Variants in TBCK observed in about 807,000 individuals in gnomAD.
TBCK encodes the protein TBC1 domain containing kinase, also known as TBC domain-containing protein kinase-like protein.
In TBCK, 99 loss-of-function variants were observed where a neutral mutation model predicts 113.4. That is an observed-to-expected ratio of 0.87 (90% CI 0.74 to 1.03). The LOEUF is 1.03. Ranked by LOEUF, TBCK falls within the 50% of genes least tolerant of loss-of-function variation. The probability of loss-of-function intolerance (pLI) is 0.00; values close to 1 mark genes in which losing one functional copy is unlikely to be tolerated. For synonymous variants in TBCK, 369 were observed against 370.8 expected (o/e 1.00, Z 0.05); for missense variants, 1,045 against 1,061.3 (o/e 0.98, Z 0.21).
chr4:106,153,515 C>A (rs1410262714), intron 23 of TBCK, among the ~76,000 whole-genome samples: 4 of 152,060 alleles, frequency 2.6e-5, no homozygotes, highest in African/African-American at 7.2e-5. Context: ...TCAGAATAAT[C>A]CATGTGATGA....
intron 22 of TBCK, among the ~76,000 whole-genome samples, chr4:106,181,899 G>A (rs1342833577): frequency 6.6e-6 from 1 of 152,088 alleles, no homozygotes; most frequent in African/African-American, 2.4e-5. Flanking sequence ...TTCCAATTCT[G>A]AAAAGAAAGT....
intron 13 of TBCK, 37 bp from the exon 14 acceptor site, chr4:106,236,556 G>A (rs1388091625): frequency 1.5e-6 from 2 of 1,352,160 alleles, no homozygotes; most frequent in Non-Finnish European, 1.9e-6. Flanking sequence ...AAAAAAAAAT[G>A]GACAAAAGGT....
In TBCK at chr4:106,193,750, T is replaced by C. The variant is rs1318167008; in HGVS notation, c.1918A>G (p.Ile640Val). 1.9e-6 allele frequency: 3 copies of C among 1,580,752 alleles called. No individual in the cohort carries two copies. In the African/African-American group the frequency reaches 4.1e-5, roughly 22 times the overall value. Residue 640 changes from isoleucine to valine, a missense_variant, in exon 22 of 26, where the codon ATT (isoleucine) becomes GTT (valine). Ile to Val is a conservative substitution (Grantham distance 29, BLOSUM62 3). Transcript: ENST00000394708. ...AGTAAGGTATCCCAGAGGTGGAAAA[T>C]TTTGTGTAGTGGAAATACATCTGTA... ...MFTHVFPLHKIFHLWDTLLLG... is the reference protein window; with the variant it reads ...MFTHVFPLHKVFHLWDTLLLG...
Position 106,095,542 on chromosome 4 carries a change from G to A in TBCK, c.2511C>T (p.Leu837=), listed in dbSNP as rs141129535. The A allele has an allele frequency of 2.0e-5, 33 of 1,613,954 alleles. No homozygotes were observed. The highest frequency in any genetic ancestry group is 2.5e-5 in the Non-Finnish European group (29 of 1,179,982). The change falls in exon 25 of 26, where the codon CTC becomes CTT. Residue 837 remains leucine, a synonymous_variant. Transcript: ENST00000394708. ...CAATGACCTTCCCTTTGAAGTTCTG[G>A]AGCATAGCAGTGTAAGGGCCCTGGG... The part of the protein sequence containing the change: ...ELTQGPYTAM[L]QNFKGKVIVI...
intron 20 of TBCK, among the ~76,000 whole-genome samples, chr4:106,208,334 C>T (rs1336024369): frequency 3.3e-5 from 5 of 152,136 alleles, no homozygotes; most frequent in Admixed American, 6.5e-5. Context: ...TGATCCCTAC[C>T]ATTCACCTAT....
At chr4:106,237,837 A>G (rs1029220410) in intron 12 of TBCK, among the ~76,000 whole-genome samples, 22 of 152,244 alleles carry the variant, frequency 1.4e-4, no homozygotes, top group African/African-American at 5.1e-4. Flanking sequence ...ATACACATAA[A>G]TCTTTTTAAA....
intron 18 of TBCK, among the ~76,000 whole-genome samples, chr4:106,231,469 C>T (rs1283416261): frequency 6.6e-6 from 1 of 151,622 alleles, no homozygotes; most frequent in Non-Finnish European, 1.5e-5. Flanking sequence ...AGAAAGTATA[C>T]TTAGACAAAA....
intron 23 of TBCK, among the ~76,000 whole-genome samples, chr4:106,118,551 CT>C (rs1472725918): frequency 4.9e-4 from 74 of 152,142 alleles, no homozygotes; most frequent in African/African-American, 1.5e-3. Flanking sequence ...CTTCCATCTC[CT>C]TTTTCATTAG....
rs570144380 is a variant in TBCK, at chr4:106,262,056, T to C, written c.381+42A>G. On this transcript the variant is annotated intron_variant, in intron 4 of 25. Transcript: ENST00000394708. ...GCCCTGATCCCAGTTGCTTCCAATT[T>C]CAAATGATATATAAATATTTATTAC... 1.5e-5 allele frequency: 19 copies of C among 1,227,430 alleles called. No homozygotes were observed. In the East Asian group the frequency reaches 4.2e-4, roughly 27 times the overall value. 76.0% of individuals were successfully genotyped at this position (1,227,430 alleles called of 1,614,324 possible).
rs749859244 is a variant in TBCK, at chr4:106,171,192, T to C, written c.2138A>G (p.His713Arg). The C allele has an allele frequency of 1.7e-5, 27 of 1,612,820 alleles. No homozygotes were observed. In the South Asian group the frequency reaches 2.2e-4, roughly 13 times the overall value. The change falls in exon 23 of 26, where the codon CAT (histidine) becomes CGT (arginine). Residue 713 changes from histidine (H) to arginine (R), a missense_variant. Physicochemically the swap from His to Arg is conservative, Grantham distance 29. Coordinates refer to ENST00000394708, the MANE Select transcript of TBCK (RefSeq NM_001163435.3). ...WTPKSATYRQHAQPPKPSSDS... is the reference protein window; with the variant it reads ...WTPKSATYRQRAQPPKPSSDS... ...AGAAGATGGCTTTGGAGGTTGAGCA[T>C]GCTGTCTGTAAGTAGCACTTTTAGG...
intron 23 of TBCK, among the ~76,000 whole-genome samples, chr4:106,159,679 A>C (rs533974025): frequency 1.3e-5 from 2 of 152,216 alleles, no homozygotes; most frequent in South Asian, 4.1e-4. Context: ...TGAAAGATAT[A>C]ATATTGTTAA....
intron 9 of TBCK, 190 bp from the exon 10 acceptor site, chr4:106,247,477 ATTT>A: frequency 2.0e-6 from 1 of 507,122 alleles, no homozygotes; most frequent in Non-Finnish European, 3.4e-6. Flanking sequence ...TAAATACTGA[ATTT>A]TTTTTACTTA....
intron 3 of TBCK, among the ~76,000 whole-genome samples, chr4:106,277,120 G>C (rs1211547958): frequency 6.6e-6 from 1 of 152,130 alleles, no homozygotes; most frequent in African/African-American, 2.4e-5. Context: ...TCATGGGAAT[G>C]CAAAGTAAAT....
intron 5 of TBCK, among the ~76,000 whole-genome samples, chr4:106,255,338 C>T (rs1262771955): frequency 1.3e-5 from 2 of 152,206 alleles, no homozygotes; most frequent in Non-Finnish European, 2.9e-5. Flanking sequence ...GTGCTCAGCT[C>T]GTGCTACTGG....
chr4:106,164,934 C>T (rs1047781142), intron 23 of TBCK, among the ~76,000 whole-genome samples: 16 of 151,472 alleles, frequency 1.1e-4, no homozygotes, highest in Admixed American at 3.9e-4. Context: ...GCAATAAATG[C>T]TATCATTTTT....
At chr4:106,216,759 TG>T (rs1756986469) in intron 19 of TBCK, among the ~76,000 whole-genome samples, 1 of 151,784 alleles carries the variant, frequency 6.6e-6, no homozygotes, top group Non-Finnish European at 1.5e-5. Context: ...CAGGACCAGA[TG>T]GATTCACAGC....
At position 106,221,948 on chromosome 4, in the gene TBCK, T is replaced by G. The variant is rs371390784; in HGVS notation, c.1774+8415A>C. On this transcript the variant is annotated intron_variant, in intron 19 of 25. Transcript: ENST00000394708. ...TTTACATATATAACAAATCTGTACA[T>G]GTACCCTGAATCTAAAAGTTAAAAA... 2.2e-4 allele frequency among the ~76,000 whole-genome samples: 33 copies of G among 152,192 alleles called. No individual in the cohort carries two copies. In the East Asian group the frequency reaches 3.5e-3, roughly 16 times the overall value.
chr4:106,182,433 C>T (rs1357470494), intron 22 of TBCK: 1 of 152,124 alleles, frequency 6.6e-6, no homozygotes. Context: ...GAGAGGGCAT[C>T]CTTGTCCTGT....
rs559299326 is a variant in TBCK, at chr4:106,215,626, A to T, written c.1775-2791T>A. On this transcript the variant is annotated intron_variant, in intron 19 of 25. Transcript: ENST00000394708. ...GATCAAAAGAGACAAAGAAGGCCAT[A>T]ACATAATGGTAAAGGGATCAATTCA... is the stretch of plus-strand genomic sequence containing the variant. Among the ~76,000 whole-genome samples, 970 of 152,250 alleles carry T rather than the reference A, an allele frequency of 6.4e-3. 7 individuals carry two copies. Among genetic ancestry groups the T allele is most frequent in the African/African-American group, 0.021 (855 of 41,510 alleles).
Sources: allele counts gnomAD v4.1 joint callset (sites outside exome capture counted in the v4.1 genomes callset), GRCh38; gene constraint gnomAD v4.1.1; transcripts MANE v1.5; gene names NCBI Gene and HGNC (gene_info 2026-07-23, HGNC 2026-07-21).